PNMA8C: variants seen among roughly 807,000 people sequenced by gnomAD.
PNMA8C encodes PNMA family member 8C.
rs1969437202 is a variant in PNMA8C at position 46,428,579 on chromosome 19, G to C, written c.-220C>G. Reference sequence around the variant, plus strand: ...GCTGTGCAACGTCGGGGCTTCTGTGGCTCCCTCTGAGTGGGCTCGAAGATT... The same window carrying C: ...GCTGTGCAACGTCGGGGCTTCTGTGCCTCCCTCTGAGTGGGCTCGAAGATT... On this transcript the variant is annotated 5_prime_UTR_variant, in exon 1 of 1. Coordinates refer to ENST00000617053, the MANE Select transcript of PNMA8C (RefSeq NM_001386793.1). The C allele has an allele frequency of 2.6e-6, 1 of 391,568 alleles. No individual in the cohort carries two copies. The highest frequency in any genetic ancestry group is 4.5e-5 in the Admixed American group (1 of 22,468). The allele number at this position is 391,568 out of a possible 1,614,324, so 24.3% of individuals were successfully genotyped here.
Position 46,428,769 on chromosome 19 carries a change from T to A in PNMA8C, c.-410A>T, listed in dbSNP as rs1969438900. 6.2e-6 allele frequency: 1 copy of A among 161,300 alleles called. No individual in the cohort carries two copies. The highest frequency in any genetic ancestry group is 2.4e-5 in the African/African-American group (1 of 41,844). The allele number at this position is 161,300 out of a possible 1,614,324, so 10.0% of individuals were successfully genotyped here. ...CACAGGCCCCAACGGTCTCTCCGGA[T>A]CTGGGACTGCTGATCTCCCTGGGAC... On this transcript the variant is annotated 5_prime_UTR_variant, in exon 1 of 1. Transcript: ENST00000617053.
In PNMA8C at chr19:46,426,971, C is replaced by G. The variant is rs970980097; in HGVS notation, c.*774G>C. 6.6e-5 allele frequency: 10 copies of G among 152,258 alleles called. No homozygotes were observed. Among genetic ancestry groups the G allele is most frequent in the African/African-American group, 2.4e-4 (10 of 41,474 alleles). The allele number at this position is 152,258 out of a possible 1,614,324, so 9.4% of individuals were successfully genotyped here. A position where few individuals can be genotyped will look rare whatever the true frequency, so the allele number is the denominator to read the frequency against. ...CATCTACTCAAATGATACCCATACA[C>G]ATATTCAGGTGTTACCCGCACACTC... On this transcript the variant is annotated 3_prime_UTR_variant, in exon 1 of 1. Coordinates refer to ENST00000617053, the MANE Select transcript of PNMA8C (RefSeq NM_001386793.1).
chr19:46,425,952 G>T lies in PNMA8C; in HGVS notation c.*1793C>A, dbSNP rs955471092. ...GGTAGGCTGAGTCTTTGTGTTGTGT[G>T]TAAGTTACATTTTTGAAAAGAGATT... On this transcript the variant is annotated 3_prime_UTR_variant, in exon 1 of 1. Coordinates refer to ENST00000617053, the MANE Select transcript of PNMA8C (RefSeq NM_001386793.1). 3 of 152,278 alleles carry T rather than the reference G, an allele frequency of 2.0e-5. 1 individual carries two copies. The highest frequency in any genetic ancestry group is 4.1e-4 in the South Asian group (2 of 4,826). The allele number at this position is 152,278 out of a possible 1,614,324, so 9.4% of individuals were successfully genotyped here. A position where few individuals can be genotyped will look rare whatever the true frequency, so the allele number is the denominator to read the frequency against.
rs1345416630 is a variant in PNMA8C, at chr19:46,426,877, G to C, written c.*868C>G. 6.6e-6 allele frequency: 1 copy of C among 152,274 alleles called. No individual in the cohort carries two copies. The highest frequency in any genetic ancestry group is 2.4e-5 in the African/African-American group (1 of 41,468). The allele number at this position is 152,274 out of a possible 1,614,324, so 9.4% of individuals were successfully genotyped here. A position where few individuals can be genotyped will look rare whatever the true frequency, so the allele number is the denominator to read the frequency against. On this transcript the variant is annotated 3_prime_UTR_variant, in exon 1 of 1. Transcript: ENST00000617053. ...TGACTGCGCCTGCGCGGCTGGTCCC[G>C]CGGGGTCTCCCGAGTAGCGGAAGAT...
rs1275386673 is a variant in PNMA8C, at chr19:46,425,937, G to A, written c.*1808C>T. The A allele has an allele frequency of 6.6e-6, 1 of 152,134 alleles. No individual in the cohort carries two copies. The highest frequency in any genetic ancestry group is 2.4e-5 in the African/African-American group (1 of 41,430). 9.4% of individuals were successfully genotyped at this position (152,134 alleles called of 1,614,324 possible). ...CTGACATTACAATTTGGTAGGCTGA[G>A]TCTTTGTGTTGTGTGTAAGTTACAT... On this transcript the variant is annotated 3_prime_UTR_variant, in exon 1 of 1. Coordinates refer to ENST00000617053, the MANE Select transcript of PNMA8C (RefSeq NM_001386793.1).
Position 46,425,980 on chromosome 19 carries a change from G to A in PNMA8C, c.*1765C>T, listed in dbSNP as rs961395584. The stretch of plus-strand genomic sequence containing the variant: ...AGTTACATTTTTGAAAAGAGATTCA[G>A]TCAAACCTTTGCAGATCCTTGAACT... On this transcript the variant is annotated 3_prime_UTR_variant, in exon 1 of 1. Coordinates refer to ENST00000617053, the MANE Select transcript of PNMA8C (RefSeq NM_001386793.1). The A allele has an allele frequency of 2.6e-5, 4 of 152,182 alleles. No homozygotes were observed. Among genetic ancestry groups the A allele is most frequent in the Non-Finnish European group, 5.9e-5 (4 of 68,030 alleles). The allele number at this position is 152,182 out of a possible 1,614,324, so 9.4% of individuals were successfully genotyped here.
At position 46,427,555 on chromosome 19, in the gene PNMA8C, G is replaced by A. The variant is rs567368996; in HGVS notation, c.*190C>T. On this transcript the variant is annotated 3_prime_UTR_variant, in exon 1 of 1. Transcript: ENST00000617053. ...TCCACCTCTTTCGCACTAGTCAGAT[G>A]TTACCTGTGCTATCCAAATGATACC... 11 of 394,112 alleles carry A rather than the reference G, an allele frequency of 2.8e-5. No individual in the cohort carries two copies. Among genetic ancestry groups the A allele is most frequent in the South Asian group, 2.9e-4 (2 of 6,976 alleles). The allele number at this position is 394,112 out of a possible 1,614,324, so 24.4% of individuals were successfully genotyped here.
In PNMA8C at chr19:46,427,057, T is replaced by C. The variant is rs1456493844; in HGVS notation, c.*688A>G. ...GGATGCCACCCACACACTCTAATGC[T>C]ACCCACACTCACTAACGTGTATTCA... On this transcript the variant is annotated 3_prime_UTR_variant, in exon 1 of 1. Coordinates refer to ENST00000617053, the MANE Select transcript of PNMA8C (RefSeq NM_001386793.1). The C allele has an allele frequency of 6.6e-6, 1 of 152,232 alleles. No individual in the cohort carries two copies. The highest frequency in any genetic ancestry group is 1.5e-5 in the Non-Finnish European group (1 of 68,052). The allele number at this position is 152,232 out of a possible 1,614,324, so 9.4% of individuals were successfully genotyped here.
chr19:46,427,848 A>G lies in PNMA8C; in HGVS notation c.512T>C (p.Leu171Pro). ...CTTGCTCTCCTTCTCGGAGGAGTCC[A>G]GAGGTGGCACCACGTCCATCTGGAC... The part of the protein sequence containing the change: ...ATVQMDVVPP[L>P]DSSEKESKAG... The change falls in exon 1 of 1, where the codon CTG becomes CCG. Residue 171 changes from leucine to proline, a missense_variant. Physicochemically the swap from Leu to Pro is moderately conservative, Grantham distance 98. Transcript: ENST00000617053. 2.5e-6 allele frequency: 1 copy of G among 398,550 alleles called. No individual in the cohort carries two copies. The highest frequency in any genetic ancestry group is 6.3e-4 in the Middle Eastern group (1 of 1,588). The allele number at this position is 398,550 out of a possible 1,614,324, so 24.7% of individuals were successfully genotyped here. A position where few individuals can be genotyped will look rare whatever the true frequency, so the allele number is the denominator to read the frequency against.
rs545398481 is a variant in PNMA8C, at chr19:46,428,060, G to A, written c.300C>T (p.Pro100=). The change falls in exon 1 of 1, where the codon CCC becomes CCT. Residue 100 remains proline, a synonymous_variant. Transcript: ENST00000617053. Reference sequence around the variant, plus strand: ...TCAGGAATTCAATGTCCTGCTTCCGGGGCATGTAGACCACTCTCCACACAC... The same window carrying A: ...TCAGGAATTCAATGTCCTGCTTCCGAGGCATGTAGACCACTCTCCACACAC... The part of the protein sequence containing the change: ...KGGVWRVVYM[P]RKQDIEFLTK... 65 of 398,722 alleles carry A rather than the reference G, an allele frequency of 1.6e-4. No homozygotes were observed. The highest frequency in any genetic ancestry group is 1.2e-3 in the African/African-American group (58 of 48,694). The allele number at this position is 398,722 out of a possible 1,614,324, so 24.7% of individuals were successfully genotyped here.
In PNMA8C at chr19:46,425,147, C is replaced by T. The variant is rs1380305738; in HGVS notation, c.*2598G>A. 3 of 152,176 alleles carry T rather than the reference C, an allele frequency of 2.0e-5. No homozygotes were observed. Among genetic ancestry groups the T allele is most frequent in the South Asian group, 2.1e-4 (1 of 4,834 alleles). The allele number at this position is 152,176 out of a possible 1,614,324, so 9.4% of individuals were successfully genotyped here. A position where few individuals can be genotyped will look rare whatever the true frequency, so the allele number is the denominator to read the frequency against. ...TGTCACACTATCCCTTATTATACAACGATTATGCCTTGATGGGAGAGCAGC... is the reference window on the plus strand; with the variant it reads ...TGTCACACTATCCCTTATTATACAATGATTATGCCTTGATGGGAGAGCAGC... On this transcript the variant is annotated 3_prime_UTR_variant, in exon 1 of 1. Coordinates refer to ENST00000617053, the MANE Select transcript of PNMA8C (RefSeq NM_001386793.1).
rs1216511171 is a variant in PNMA8C at position 46,428,520 on chromosome 19, T to C, written c.-161A>G. On this transcript the variant is annotated 5_prime_UTR_variant, in exon 1 of 1. Coordinates refer to ENST00000617053, the MANE Select transcript of PNMA8C (RefSeq NM_001386793.1). ...CGCTCCCAGGACCCCTTCGTCCAGCTCAGTGAAGGATGCCCCCAGCCCCTG... is the reference window on the plus strand; with the variant it reads ...CGCTCCCAGGACCCCTTCGTCCAGCCCAGTGAAGGATGCCCCCAGCCCCTG... The C allele has an allele frequency of 5.0e-6, 2 of 396,838 alleles. No homozygotes were observed. The highest frequency in any genetic ancestry group is 2.1e-5 in the African/African-American group (1 of 48,614). The allele number at this position is 396,838 out of a possible 1,614,324, so 24.6% of individuals were successfully genotyped here.
In PNMA8C at chr19:46,427,751, C is replaced by T; in HGVS notation, c.609G>A (p.Lys203=). 1 of 398,662 alleles carries T rather than the reference C, an allele frequency of 2.5e-6. No homozygotes were observed. 24.7% of individuals were successfully genotyped at this position (398,662 alleles called of 1,614,324 possible). A position where few individuals can be genotyped will look rare whatever the true frequency, so the allele number is the denominator to read the frequency against. Residue 203 remains lysine, a synonymous_variant, in exon 1 of 1, where the codon AAG becomes AAA. Coordinates refer to ENST00000617053, the MANE Select transcript of PNMA8C (RefSeq NM_001386793.1). ...CCCACCCGATGCCACCACCTCACAG[C>T]TTCTTGTCTGAGGCGTGATGCCGCC... ...NRRRHHASDK[K]L
chr19:46,427,861 C>A lies in PNMA8C; in HGVS notation c.499G>T (p.Val167Leu), dbSNP rs12463313. 6 of 398,678 alleles carry A rather than the reference C, an allele frequency of 1.5e-5. No individual in the cohort carries two copies. The East Asian group carries it at 2.1e-4, about 14-fold the overall frequency. 24.7% of individuals were successfully genotyped at this position (398,678 alleles called of 1,614,324 possible). The change falls in exon 1 of 1, where the codon GTG becomes TTG. Residue 167 changes from valine (V) to leucine (L), a missense_variant. By Grantham distance (32) the Val-to-Leu change is conservative. Coordinates refer to ENST00000617053, the MANE Select transcript of PNMA8C (RefSeq NM_001386793.1). The part of the protein sequence containing the change: ...PEAGATVQMD[V>L]VPPLDSSEKE... ...TCGGAGGAGTCCAGAGGTGGCACCA[C>A]GTCCATCTGGACGGTGGCCCCAGCC...
rs1401194014 is a variant in PNMA8C at position 46,426,284 on chromosome 19, A to T, written c.*1461T>A. The T allele has an allele frequency of 6.6e-6, 1 of 152,070 alleles. No homozygotes were observed. Among genetic ancestry groups the T allele is most frequent in the African/African-American group, 2.4e-5 (1 of 41,430 alleles). The allele number at this position is 152,070 out of a possible 1,614,324, so 9.4% of individuals were successfully genotyped here. Reference sequence around the variant, plus strand: ...ACTCACACCCTCACCCCAGGCGCCAATCGGGGCAGAAGGGTCCCGCTTCTG... The same window carrying T: ...ACTCACACCCTCACCCCAGGCGCCATTCGGGGCAGAAGGGTCCCGCTTCTG... On this transcript the variant is annotated 3_prime_UTR_variant, in exon 1 of 1. Coordinates refer to ENST00000617053, the MANE Select transcript of PNMA8C (RefSeq NM_001386793.1).
rs1230942546 is a variant in PNMA8C at position 46,424,891 on chromosome 19, T to C, written c.*2854A>G. 6.6e-6 allele frequency: 1 copy of C among 152,188 alleles called. No individual in the cohort carries two copies. Among genetic ancestry groups the C allele is most frequent in the African/African-American group, 2.4e-5 (1 of 41,450 alleles). The allele number at this position is 152,188 out of a possible 1,614,324, so 9.4% of individuals were successfully genotyped here. On this transcript the variant is annotated 3_prime_UTR_variant, in exon 1 of 1. Transcript: ENST00000617053. The stretch of plus-strand genomic sequence containing the variant: ...CTTGGGATTTGCCCTACCAGTGATG[T>C]TTTCACTCAGCTAAGTAGCTTCAAA...
rs1969417855 is a variant in PNMA8C, at chr19:46,426,095, C to A, written c.*1650G>T. 1 of 152,182 alleles carries A rather than the reference C, an allele frequency of 6.6e-6. No individual in the cohort carries two copies. Among genetic ancestry groups the A allele is most frequent in the African/African-American group, 2.4e-5 (1 of 41,438 alleles). 9.4% of individuals were successfully genotyped at this position (152,182 alleles called of 1,614,324 possible). On this transcript the variant is annotated 3_prime_UTR_variant, in exon 1 of 1. Transcript: ENST00000617053. The stretch of plus-strand genomic sequence containing the variant: ...TGGATTTTACCTGATTTTTAAAATT[C>A]TTCTTCACCTCAGTGTTAACGTCGT...
At position 46,424,970 on chromosome 19, in the gene PNMA8C, C is replaced by G. The variant is rs1969409033; in HGVS notation, c.*2775G>C. 6.6e-6 allele frequency: 1 copy of G among 151,788 alleles called. No individual in the cohort carries two copies. The highest frequency in any genetic ancestry group is 1.5e-5 in the Non-Finnish European group (1 of 68,038). 9.4% of individuals were successfully genotyped at this position (151,788 alleles called of 1,614,324 possible). On this transcript the variant is annotated 3_prime_UTR_variant, in exon 1 of 1. Transcript: ENST00000617053. The stretch of plus-strand genomic sequence containing the variant: ...TTGGAGTCCCAGGATACACTTTGGT[C>G]CAGAAAATCTTGAAAGAGAAGTGGT...
At position 46,428,855 on chromosome 19, in the gene PNMA8C, C is replaced by G. The variant is rs984505422; in HGVS notation, c.-496G>C. 1.3e-5 allele frequency: 2 copies of G among 152,870 alleles called. No homozygotes were observed. Among genetic ancestry groups the G allele is most frequent in the Non-Finnish European group, 2.9e-5 (2 of 68,532 alleles). 9.5% of individuals were successfully genotyped at this position (152,870 alleles called of 1,614,324 possible). A position where few individuals can be genotyped will look rare whatever the true frequency, so the allele number is the denominator to read the frequency against. On this transcript the variant is annotated 5_prime_UTR_variant, in exon 1 of 1. Transcript: ENST00000617053. ...AGGCAGGGAGGCGCGTCCCTCACCG[C>G]TGGCCCAGAGGTTGCACTCAGTGCC...
Sources: gnomAD v4.1 joint callset for allele counts on GRCh38, gnomAD v4.1.1 for gene constraint, MANE v1.5 for transcripts, NCBI Gene and HGNC (gene_info 2026-07-23, HGNC 2026-07-21) for gene names.